The following GLB1L3 variants were observed in gnomAD, a reference collection of about 807,000 sequenced individuals.
The protein encoded by GLB1L3 is beta-galactosidase-1-like protein 3.
Under a neutral mutation model 89.5 loss-of-function variants are expected in GLB1L3, and 89 were observed. That is an observed-to-expected ratio of 0.99 (90% CI 0.84 to 1.19). GLB1L3 has a LOEUF of 1.19. Among genes scored for constraint, GLB1L3 ranks in the 50% most tolerant of loss-of-function variants. The probability of loss-of-function intolerance (pLI) is 0.00; values close to 1 mark genes in which losing one functional copy is unlikely to be tolerated. For synonymous variants in GLB1L3, 314 were observed against 312.3 expected, an observed-to-expected ratio of 1.01 and a Z score of -0.06; for missense variants, 812 against 813.3, an observed-to-expected ratio of 1.00 and a Z score of 0.02.
intron 3 of GLB1L3, 146 bp from the exon 4 acceptor site, chr11:134,281,231 G>T: frequency 3.4e-6 from 3 of 895,212 alleles, no homozygotes; most frequent in Non-Finnish European, 5.5e-6. Context: ...CATGGTTAGT[G>T]TAACAGAGGT....
intron 5 of GLB1L3, among the ~76,000 whole-genome samples, chr11:134,282,441 C>G (rs899010905): frequency 1.3e-4 from 20 of 152,084 alleles, no homozygotes; most frequent in Non-Finnish European, 2.5e-4. Flanking sequence ...TTTCCCCATG[C>G]AGGAGGGGCT....
chr11:134,293,434 G>C (rs997776730), intron 9 of GLB1L3, among the ~76,000 whole-genome samples: 1 of 152,098 alleles, frequency 6.6e-6, no homozygotes, highest in Admixed American at 6.5e-5. Flanking sequence ...GGAGATGAGT[G>C]GGAAGGGCGA....
chr11:134,286,657 G>T (rs1028309866), intron 6 of GLB1L3, among the ~76,000 whole-genome samples: 11 of 151,164 alleles, frequency 7.3e-5, no homozygotes, highest in Non-Finnish European at 1.3e-4. Context: ...GGCGCCTGTA[G>T]TCCCAGCTAC....
At chr11:134,279,570 C>T (rs928900612) in intron 3 of GLB1L3, among the ~76,000 whole-genome samples, 1 of 151,746 alleles carries the variant, frequency 6.6e-6, no homozygotes, top group Non-Finnish European at 1.5e-5. Flanking sequence ...TTCACCATAT[C>T]GGTCAGGCTG....
intron 6 of GLB1L3, among the ~76,000 whole-genome samples, chr11:134,288,042 T>C (rs1183409604): frequency 6.6e-6 from 1 of 152,064 alleles, no homozygotes. Flanking sequence ...GTGGCTGGGC[T>C]CCAAGGAGAA....
In GLB1L3 at chr11:134,319,177, A is replaced by G. The variant is rs959330404; in HGVS notation, c.*235A>G. On this transcript the variant is annotated 3_prime_UTR_variant, in exon 20 of 20. Transcript: ENST00000431683. ...CACCAAGTTAGCCAGGATGGTCCCA[A>G]TCTCCTGACCTTGTGATCTGCTCTC... 4 of 464,668 alleles carry G rather than the reference A, an allele frequency of 8.6e-6. No homozygotes were observed. The highest frequency in any genetic ancestry group is 3.7e-5 in the Admixed American group (1 of 27,270). The allele number at this position is 464,668 out of a possible 1,614,324, so 28.8% of individuals were successfully genotyped here.
chr11:134,288,133 T>C (rs772398923), intron 6 of GLB1L3, among the ~76,000 whole-genome samples: 7 of 152,194 alleles, frequency 4.6e-5, no homozygotes, highest in Admixed American at 3.3e-4. Context: ...TAGGTCAATG[T>C]TGATGGTCTG....
intron 6 of GLB1L3, among the ~76,000 whole-genome samples, 183 bp from the exon 7 acceptor site, chr11:134,288,615 C>G (rs1941151811): frequency 6.6e-6 from 1 of 152,066 alleles, no homozygotes; most frequent in Non-Finnish European, 1.5e-5. Flanking sequence ...GAAGGCGGCT[C>G]CCACAGCAGC....
In GLB1L3 at chr11:134,312,876, C is replaced by T. The variant is rs766396096; in HGVS notation, c.1489C>T (p.Pro497Ser). 3 of 1,606,596 alleles carry T rather than the reference C, an allele frequency of 1.9e-6. No individual in the cohort carries two copies. The highest frequency in any genetic ancestry group is 2.6e-6 in the Non-Finnish European group (3 of 1,174,454). The change falls in exon 15 of 20, where the codon CCT (proline) becomes TCT (serine). Residue 497 changes from proline (P) to serine (S), a missense_variant. Transcript: ENST00000431683. ...TGAGAATAATAAGGACCTGCACATT[C>T]CTGAACTCAGGGTATGTAATTTGAG... ...LNENNKDLHI[P>S]ELRDCRYLRI...
intron 7 of GLB1L3, among the ~76,000 whole-genome samples, chr11:134,290,450 G>A (rs1024297685): frequency 6.6e-6 from 1 of 151,660 alleles, no homozygotes; most frequent in Non-Finnish European, 1.5e-5. Flanking sequence ...GTGCACACCT[G>A]TAATCCCAGC....
intron 10 of GLB1L3, among the ~76,000 whole-genome samples, chr11:134,308,320 CCAT>C (rs1942392567): frequency 5.6e-5 from 3 of 53,572 alleles, no homozygotes; most frequent in Middle Eastern, 8.5e-3. Context: ...ACTACCACCA[CCAT>C]CACCATCACC....
intron 15 of GLB1L3, 105 bp from the exon 16 acceptor site, chr11:134,313,291 T>G: frequency 6.3e-6 from 5 of 794,966 alleles, no homozygotes; most frequent in Non-Finnish European, 1.1e-5. Flanking sequence ...TGGAGCCTCC[T>G]GTTCTCCCAT....
intron 9 of GLB1L3, among the ~76,000 whole-genome samples, chr11:134,297,547 A>G (rs1302355018): frequency 6.6e-6 from 1 of 152,088 alleles, no homozygotes; most frequent in South Asian, 2.1e-4. Flanking sequence ...AGTTTAAAAA[A>G]CTGTAGCTGT....
At chr11:134,292,029 G>T in intron 7 of GLB1L3, 103 bp from the exon 8 acceptor site, 1 of 734,060 alleles carries the variant, frequency 1.4e-6, no homozygotes. Flanking sequence ...TGTGATTGCA[G>T]AATGCATGGA....
chr11:134,298,402 A>G (rs78831054), intron 9 of GLB1L3, among the ~76,000 whole-genome samples: 39 of 152,320 alleles, frequency 2.6e-4, no homozygotes, highest in African/African-American at 9.4e-4. Context: ...TGAACATGGA[A>G]GCAAAAATTC....
chr11:134,313,814 A>C, intron 16 of GLB1L3, 127 bp from the exon 17 acceptor site: 1 of 688,248 alleles, frequency 1.5e-6, no homozygotes. Context: ...GGTCAGACAA[A>C]TGTTTGCCCT....
intron 10 of GLB1L3, among the ~76,000 whole-genome samples, chr11:134,308,472 A>ACCACC (rs761214840): frequency 1.4e-3 from 7 of 5,076 alleles, no homozygotes; most frequent in African/African-American, 2.8e-3. Context: ...CACCACCACC[A>ACCACC]AATACCACCA....
At chr11:134,275,817 C>T (rs1940348616), upstream of GLB1L3, 1 of 152,274 alleles carries the variant, frequency 6.6e-6, no homozygotes, top group Admixed American at 6.5e-5. Context: ...CTCTTGCGCT[C>T]AGTTCTCCGG....
chr11:134,288,444 C>T (rs1941139816), intron 6 of GLB1L3, among the ~76,000 whole-genome samples: 1 of 152,200 alleles, frequency 6.6e-6, no homozygotes, highest in African/African-American at 2.4e-5. Context: ...CCGTGGGACC[C>T]ACACGCAAGT....
Sources: gnomAD v4.1 joint callset for allele counts (sites outside exome capture counted in the v4.1 genomes callset) on GRCh38, gnomAD v4.1.1 for gene constraint, MANE v1.5 for transcripts, NCBI Gene and HGNC (gene_info 2026-07-23, HGNC 2026-07-21) for gene names.